The following IQGAP2 variants were observed in gnomAD, a reference collection of about 807,000 sequenced individuals.
IQGAP2 encodes IQ motif containing GTPase activating protein 2.
IQGAP2 carries 173 observed loss-of-function variants against 201.3 expected under a neutral mutation model. That is an observed-to-expected ratio of 0.86 (90% CI 0.76 to 0.98). IQGAP2 has a LOEUF of 0.98. IQGAP2 is among the 50% of genes least tolerant of loss of function. The pLI, the probability that IQGAP2 is intolerant of heterozygous loss-of-function variation, is 0.00. For synonymous variants in IQGAP2, 675 were observed against 673.9 expected (o/e 1.00, Z -0.03); for missense variants, 1,687 against 1,864.8 (o/e 0.90, Z 1.76).
chr5:76,503,091 T>C (rs991405625), intron 2 of IQGAP2, among the ~76,000 whole-genome samples: 1 of 152,120 alleles, frequency 6.6e-6, no homozygotes, highest in Non-Finnish European at 1.5e-5. Flanking sequence ...GCAATAAATA[T>C]GATGTAAAGC....
intron 5 of IQGAP2, among the ~76,000 whole-genome samples, chr5:76,576,717 T>C (rs1053351158): frequency 6.6e-6 from 1 of 152,194 alleles, no homozygotes; most frequent in Non-Finnish European, 1.5e-5. Context: ...TTTGACTTTT[T>C]CCCCCAGTCA....
At chr5:76,560,689 A>C (rs1040105623) in intron 2 of IQGAP2, among the ~76,000 whole-genome samples, 4 of 152,196 alleles carry the variant, frequency 2.6e-5, no homozygotes, top group African/African-American at 7.2e-5. Flanking sequence ...ATTGCACATC[A>C]TAGCCTCTCA....
At chr5:76,703,216 C>T (rs1747575797) in intron 35 of IQGAP2, among the ~76,000 whole-genome samples, 2 of 152,048 alleles carry the variant, frequency 1.3e-5, no homozygotes, top group South Asian at 2.1e-4. Context: ...AATACAGTGG[C>T]ACAATCATGG....
At chr5:76,414,456 T>C (rs1295462355) in intron 1 of IQGAP2, among the ~76,000 whole-genome samples, 1 of 152,212 alleles carries the variant, frequency 6.6e-6, no homozygotes, top group Non-Finnish European at 1.5e-5. Flanking sequence ...ACAAACATGC[T>C]TTTGCTCTCA....
intron 22 of IQGAP2, among the ~76,000 whole-genome samples, chr5:76,666,288 G>C (rs1476194641): frequency 6.6e-6 from 1 of 152,204 alleles, no homozygotes; most frequent in African/African-American, 2.4e-5. Flanking sequence ...AACCTAGAAA[G>C]AAAGGGGGCT....
At chr5:76,407,626 G>A (rs1443065348) in intron 1 of IQGAP2, among the ~76,000 whole-genome samples, 4 of 152,162 alleles carry the variant, frequency 2.6e-5, no homozygotes, top group Non-Finnish European at 5.9e-5. Context: ...GATCTTTAAG[G>A]TCAACAGCTA....
intron 1 of IQGAP2, among the ~76,000 whole-genome samples, chr5:76,406,500 A>C (rs1205517137): frequency 6.6e-6 from 1 of 152,268 alleles, no homozygotes; most frequent in East Asian, 1.9e-4. Flanking sequence ...AGACATAGAC[A>C]TAGTATGTAC....
intron 4 of IQGAP2, among the ~76,000 whole-genome samples, chr5:76,572,720 G>A (rs1032249754): frequency 5.9e-5 from 9 of 152,220 alleles, no homozygotes; most frequent in African/African-American, 2.2e-4. Context: ...TTACAGGCAT[G>A]AGCCACCATG....
chr5:76,438,042 T>G lies in IQGAP2; in HGVS notation c.47-23528T>G, dbSNP rs865836269. Among the ~76,000 whole-genome samples, 543 of 148,520 alleles carry G rather than the reference T, an allele frequency of 3.7e-3. 2 individuals are homozygous for G. Among genetic ancestry groups the G allele is most frequent in the African/African-American group, 6.4e-3 (260 of 40,608 alleles). On this transcript the variant is annotated intron_variant, in intron 1 of 35. Coordinates refer to ENST00000274364, the MANE Select transcript of IQGAP2 (RefSeq NM_006633.5). ...TTTTTTTTTTTTTTGTTTGTTTTTT[T>G]TTTTGTTTTTTTATTATGTCCTTTT...
intron 13 of IQGAP2, chr5:76,617,223 T>A (rs1749063457): frequency 1.7e-5 from 3 of 174,484 alleles, no homozygotes; most frequent in Admixed American, 1.6e-4. Flanking sequence ...GGCCGGAAGA[T>A]CACTTGAGGT....
chr5:76,587,197 G>A (rs1017525217), intron 5 of IQGAP2, among the ~76,000 whole-genome samples: 6 of 152,054 alleles, frequency 3.9e-5, no homozygotes, highest in Non-Finnish European at 4.4e-5. Flanking sequence ...AAGGAAAAAG[G>A]GTGTTTTTTA....
intron 2 of IQGAP2, among the ~76,000 whole-genome samples, chr5:76,463,124 A>T (rs1420790170): frequency 2.5e-4 from 5 of 20,396 alleles, no homozygotes; most frequent in African/African-American, 9.4e-4. Context: ...CGCTGTCTTT[A>T]AAAAAAAAAA....
At chr5:76,614,357 G>A (rs867852307) in intron 13 of IQGAP2, among the ~76,000 whole-genome samples, 19 of 152,220 alleles carry the variant, frequency 1.2e-4, no homozygotes, top group South Asian at 1.0e-3. Context: ...TAGTTCAGGC[G>A]TTAAACCACT....
intron 14 of IQGAP2, 132 bp downstream of exon 14, chr5:76,627,632 C>A: frequency 1.6e-6 from 1 of 622,694 alleles, no homozygotes; most frequent in Non-Finnish European, 2.9e-6. Context: ...CATAATTATA[C>A]CGAAATTAGT....
Position 76,589,018 on chromosome 5 carries a change from A to G in IQGAP2, c.526+45A>G, listed in dbSNP as rs571974136. 2.5e-5 allele frequency: 34 copies of G among 1,363,000 alleles called. No individual in the cohort carries two copies. The South Asian group carries it at 3.9e-4, about 16-fold the overall frequency. 84.4% of individuals were successfully genotyped at this position (1,363,000 alleles called of 1,614,324 possible). A position where few individuals can be genotyped will look rare whatever the true frequency, so the allele number is the denominator to read the frequency against. On this transcript the variant is annotated intron_variant, in intron 6 of 35. Transcript: ENST00000274364. ...TAATTTTTTACAATCTAGTTATAAA[A>G]AGTACCAATACCTGGCCGGGCGTGG...
At chr5:76,681,609 G>A (rs1033459185) in intron 28 of IQGAP2, among the ~76,000 whole-genome samples, 1 of 151,912 alleles carries the variant, frequency 6.6e-6, no homozygotes, top group South Asian at 2.1e-4. Flanking sequence ...TGGTGGGAAT[G>A]TAAAATGGTG....
At chr5:76,570,273 G>T (rs894994613) in intron 3 of IQGAP2, among the ~76,000 whole-genome samples, 1 of 152,140 alleles carries the variant, frequency 6.6e-6, no homozygotes, top group African/African-American at 2.4e-5. Context: ...ACACACCCAC[G>T]CCTGTGTACA....
At chr5:76,652,550 A>T (rs1752601504) in intron 17 of IQGAP2, among the ~76,000 whole-genome samples, 200 bp from the exon 18 acceptor site, 1 of 152,108 alleles carries the variant, frequency 6.6e-6, no homozygotes, top group Admixed American at 6.5e-5. Context: ...TAAGCTTAGA[A>T]CTAGTCTCAG....
chr5:76,447,370 A>G (rs111981951), intron 1 of IQGAP2, among the ~76,000 whole-genome samples: 6,331 of 152,302 alleles, frequency 0.042, 462 homozygotes, highest in African/African-American at 0.15. Context: ...GGAGAGGGAC[A>G]GTGATCGGGA....
Sources: gnomAD v4.1 joint callset for allele counts (sites outside exome capture counted in the v4.1 genomes callset) on GRCh38, gnomAD v4.1.1 for gene constraint, MANE v1.5 for transcripts, NCBI Gene and HGNC (gene_info 2026-07-23, HGNC 2026-07-21) for gene names.